SPATA22: variants seen among roughly 807,000 people sequenced by gnomAD.
SPATA22 encodes the protein spermatogenesis associated 22.
Under a neutral mutation model 47.8 loss-of-function variants are expected in SPATA22, and 29 were observed. That is an observed-to-expected ratio of 0.61 (90% CI 0.45 to 0.83). The LOEUF (loss-of-function observed/expected upper bound fraction) is 0.83, where lower values mean the gene tolerates loss of function less well. SPATA22 is among the 40% of genes least tolerant of loss of function. The pLI, the probability that SPATA22 is intolerant of heterozygous loss-of-function variation, is 0.00. For synonymous variants in SPATA22, 133 were observed against 140.9 expected, an observed-to-expected ratio of 0.94 and a Z score of 0.40; for missense variants, 410 against 421.7, an observed-to-expected ratio of 0.97 and a Z score of 0.24.
chr17:3,466,302 G>T (rs7211452), intron 3 of SPATA22, among the ~76,000 whole-genome samples: 18 of 151,576 alleles, frequency 1.2e-4, no homozygotes, highest in East Asian at 7.8e-4. Context: ...CATGTACCAC[G>T]TATACTTCAG....
rs374202239 is a variant in SPATA22 at position 3,488,682 on chromosome 17, C to G, written c.-73-19284G>C. Among the ~76,000 whole-genome samples the G allele has an allele frequency of 2.3e-4, 35 of 152,020 alleles. No individual in the cohort carries two copies. The East Asian group carries it at 6.2e-3, about 27-fold the overall frequency. On this transcript the variant is annotated intron_variant, in intron 1 of 8. Transcript: ENST00000541913. The surrounding 1 kb of genome is among the most constrained non-coding windows in gnomAD (Gnocchi z 6.1). ...GAAAAAATAAATAAATAAATAAAAC[C>G]ATTGCACTATTGTGTTAGGATGGAT...
At position 3,460,814 on chromosome 17, in the gene SPATA22, A is replaced by AAAAG. The variant is rs1555535972; in HGVS notation, c.329+1668_329+1669insCTTT. ...TCTCAAAAAAAAAAAAAAAAAAAAA[A>AAAAG]GATTAAAAATGTTAAAAGTCCTCAT... On this transcript the variant is annotated intron_variant, in intron 5 of 8. Coordinates refer to ENST00000572969, the MANE Select transcript of SPATA22 (RefSeq NM_001170698.2). 2.1e-4 allele frequency among the ~76,000 whole-genome samples: 30 copies of AAAAG among 140,134 alleles called. 2 individuals carry two copies. The highest frequency in any genetic ancestry group is 3.6e-3 in the Middle Eastern group (1 of 274). The allele number at this position is 140,134 out of a possible 152,430, so 91.9% of individuals were successfully genotyped here. A position where few individuals can be genotyped will look rare whatever the true frequency, so the allele number is the denominator to read the frequency against.
intron 1 of SPATA22, among the ~76,000 whole-genome samples, chr17:3,498,736 G>A (rs1028968132): frequency 2.0e-5 from 3 of 152,126 alleles, no homozygotes; most frequent in Admixed American, 6.5e-5. Flanking sequence ...CAATGTCAGC[G>A]CAGTCAGATC....
At chr17:3,464,715 T>C (rs2073236356) in intron 3 of SPATA22, among the ~76,000 whole-genome samples, 1 of 134,772 alleles carries the variant, frequency 7.4e-6, no homozygotes, top group South Asian at 2.5e-4. Flanking sequence ...AGCCGCCCCA[T>C]CTGAGAAGGG....
Position 3,485,581 on chromosome 17 carries a change from G to A in SPATA22, c.-73-16183C>T, listed in dbSNP as rs114048645. Among the ~76,000 whole-genome samples the A allele has an allele frequency of 7.2e-5, 11 of 152,258 alleles. No homozygotes were observed. The highest frequency in any genetic ancestry group is 2.2e-4 in the African/African-American group (9 of 41,538). On this transcript the variant is annotated intron_variant, in intron 1 of 8. Coordinates refer to the SPATA22 transcript ENST00000541913. The surrounding 1 kb of genome is among the most constrained non-coding windows in gnomAD (Gnocchi z 4.4). ...AATACATACATTCATGAGCTTGTCCGGAGTGATCAGATTTGACTGGATCAG... is the reference window on the plus strand; with the variant it reads ...AATACATACATTCATGAGCTTGTCCAGAGTGATCAGATTTGACTGGATCAG...
intron 1 of SPATA22, among the ~76,000 whole-genome samples, chr17:3,484,203 T>C (rs993925344): frequency 6.6e-6 from 1 of 152,194 alleles, no homozygotes; most frequent in Non-Finnish European, 1.5e-5. Context: ...GAACTTTCCC[T>C]GACCCTCCTC....
At chr17:3,487,722 G>T (rs1190346640) in intron 1 of SPATA22, among the ~76,000 whole-genome samples, 2 of 152,148 alleles carry the variant, frequency 1.3e-5, no homozygotes, top group Non-Finnish European at 2.9e-5. Flanking sequence ...GGATTATTAT[G>T]ATTGACTTAA....
Position 3,471,777 on chromosome 17 carries a change from A to G in SPATA22, c.-169T>C. 1.0e-6 allele frequency: 1 copy of G among 985,638 alleles called. No individual in the cohort carries two copies. Among genetic ancestry groups the G allele is most frequent in the Non-Finnish European group, 1.2e-6 (1 of 830,090 alleles). 61.1% of individuals were successfully genotyped at this position (985,638 alleles called of 1,614,324 possible). On this transcript the variant is annotated 5_prime_UTR_variant, in exon 1 of 9. Coordinates refer to ENST00000572969, the MANE Select transcript of SPATA22 (RefSeq NM_001170698.2). ...CAACCGTCGTCCAGGCGGCCCCGTC[A>G]GCAACCGCCGCCCTTCCCGCCCGCG...
intron 1 of SPATA22, chr17:3,501,823 C>G: frequency 6.6e-6 from 1 of 152,336 alleles, no homozygotes; most frequent in Non-Finnish European, 1.5e-5. Flanking sequence ...CGTGGTGGCA[C>G]GTGCCTGTAG....
intron 5 of SPATA22, among the ~76,000 whole-genome samples, chr17:3,456,468 A>G (rs12940339): frequency 0.16 from 20,097 of 128,290 alleles, 1,850 homozygotes; most frequent in East Asian, 0.32. Context: ...TAAATTCCTC[A>G]ACACATACAC....
intron 3 of SPATA22, among the ~76,000 whole-genome samples, chr17:3,465,025 T>G: frequency 3.5e-5 from 4 of 112,910 alleles, no homozygotes; most frequent in South Asian, 2.9e-4. Flanking sequence ...GGTGGGGGGG[T>G]CAGCCCCCAG....
upstream of SPATA22, chr17:3,476,037 G>A: frequency 1.1e-6 from 1 of 885,708 alleles, no homozygotes; most frequent in Non-Finnish European, 1.8e-6. Flanking sequence ...CCACTCAAGG[G>A]AATTCTGTAC....
chr17:3,481,821 A>T, intron 1 of SPATA22: 1 of 1,555,608 alleles, frequency 6.4e-7, no homozygotes, highest in Non-Finnish European at 8.8e-7. Flanking sequence ...TTATTAATTT[A>T]TAAGTTAGCA....
At chr17:3,461,957 T>C (rs760487118) in intron 5 of SPATA22, among the ~76,000 whole-genome samples, 3 of 152,234 alleles carry the variant, frequency 2.0e-5, no homozygotes, top group African/African-American at 4.8e-5. Context: ...TTGGTCCTTA[T>C]GGCAAGAACC....
intron 6 of SPATA22, 96 bp from the exon 7 acceptor site, chr17:3,446,697 G>A: frequency 2.0e-6 from 2 of 977,980 alleles, no homozygotes; most frequent in African/African-American, 1.7e-5. Context: ...TCCTTACAAT[G>A]GACAAGTGTG....
chr17:3,508,144 C>T (rs996904752), intron 1 of SPATA22, among the ~76,000 whole-genome samples: 14 of 152,170 alleles, frequency 9.2e-5, no homozygotes, highest in African/African-American at 3.4e-4. Context: ...CCCATCAAGA[C>T]AAGCAGTCAA....
At chr17:3,513,170 C>T (rs923783283) in intron 1 of SPATA22, 1 of 152,658 alleles carries the variant, frequency 6.6e-6, no homozygotes, top group African/African-American at 2.4e-5. Flanking sequence ...CAGTCTGTCT[C>T]CACTTTTAAA....
intron 1 of SPATA22, among the ~76,000 whole-genome samples, chr17:3,478,876 C>T (rs572009226): frequency 3.4e-4 from 52 of 152,302 alleles, no homozygotes; most frequent in African/African-American, 1.2e-3. Context: ...TTGTCTCCCA[C>T]GTCTAGTGGG....
chr17:3,486,963 C>T (rs2073733682), intron 1 of SPATA22, among the ~76,000 whole-genome samples: 1 of 152,112 alleles, frequency 6.6e-6, no homozygotes, highest in Admixed American at 6.5e-5. Flanking sequence ...ACACAAATAA[C>T]TTTCCTAAGT....
Sources: gnomAD v4.1 joint callset for allele counts (sites outside exome capture counted in the v4.1 genomes callset) on GRCh38, gnomAD v4.1.1 for gene constraint, Gnocchi (gnomAD v3.1) non-coding constraint, MANE v1.5 for transcripts, NCBI Gene and HGNC (gene_info 2026-07-23, HGNC 2026-07-21) for gene names.